GABBR2: variants seen among roughly 807,000 people sequenced by gnomAD.
GABBR2 encodes the protein gamma-aminobutyric acid type B receptor subunit 2.
In GABBR2, 23 loss-of-function variants were observed where a neutral mutation model predicts 105.6. The ratio of observed to expected loss-of-function variants is 0.22; its 90% CI spans 0.16 to 0.31. The LOEUF is 0.31. Among genes scored for constraint, GABBR2 ranks in the 10% least tolerant of loss-of-function variants. The pLI is 1.00. For synonymous variants in GABBR2, 478 were observed against 499.7 expected (o/e 0.96, Z 0.58); for missense variants, 734 against 1,245.5 (o/e 0.59, Z 6.18).
chr9:98,679,224 T>C (rs746370415), intron 1 of GABBR2, among the ~76,000 whole-genome samples: 1 of 152,156 alleles, frequency 6.6e-6, no homozygotes, highest in Non-Finnish European at 1.5e-5. Flanking sequence ...ATTAAAATAT[T>C]GGAAAGGACA....
chr9:98,466,535 T>C (rs1304899594), intron 6 of GABBR2, among the ~76,000 whole-genome samples: 1 of 152,222 alleles, frequency 6.6e-6, no homozygotes, highest in Admixed American at 6.5e-5. Context: ...TCACTACTCC[T>C]TCCTCCTACC....
At chr9:98,351,396 C>T (rs577785) in intron 13 of GABBR2, among the ~76,000 whole-genome samples, 121,530 of 152,024 alleles carry the variant, frequency 0.8, 48,745 homozygotes, top group African/African-American at 0.84. Context: ...CTTTCTTATT[C>T]GTGTCTCTTC....
chr9:98,649,235 G>A (rs1436911182), intron 1 of GABBR2, among the ~76,000 whole-genome samples: 1 of 152,190 alleles, frequency 6.6e-6, no homozygotes, highest in Non-Finnish European at 1.5e-5. Context: ...TGCAAAAGAT[G>A]TATTCTTTTT....
intron 1 of GABBR2, among the ~76,000 whole-genome samples, chr9:98,698,359 TA>T (rs1206591012): frequency 6.6e-6 from 1 of 152,100 alleles, no homozygotes; most frequent in African/African-American, 2.4e-5. Flanking sequence ...CAGACTACTC[TA>T]AAAAAATCAG....
intron 1 of GABBR2, among the ~76,000 whole-genome samples, chr9:98,640,514 C>A (rs922350097): frequency 1.6e-4 from 24 of 152,166 alleles, no homozygotes; most frequent in African/African-American, 5.6e-4. Context: ...AAACCACCCT[C>A]CGTGATGCTG....
At chr9:98,619,704 T>A (rs1829641786) in intron 1 of GABBR2, among the ~76,000 whole-genome samples, 1 of 152,198 alleles carries the variant, frequency 6.6e-6, no homozygotes, top group African/African-American at 2.4e-5. Context: ...ATACTTGGAG[T>A]TCCTTGTTTT....
intron 10 of GABBR2, among the ~76,000 whole-genome samples, chr9:98,385,989 C>A (rs771291719): frequency 6.6e-6 from 1 of 152,206 alleles, no homozygotes; most frequent in Non-Finnish European, 1.5e-5. Flanking sequence ...CACTCTGGAA[C>A]CTTCCCCTTA....
At chr9:98,331,096 C>T (rs559616834) in intron 13 of GABBR2, among the ~76,000 whole-genome samples, 2 of 152,274 alleles carry the variant, frequency 1.3e-5, no homozygotes, top group South Asian at 2.1e-4. Flanking sequence ...CTTTTTGCAG[C>T]TGAGTAATAT....
rs1278396441 is a variant in GABBR2 at position 98,436,390 on chromosome 9, TATATATATATATATATAG to T, written c.1236+17573_1236+17590del. Reference sequence around the variant, plus strand: ...ATATATATATATATATATATATATATATATATATATATATATAGTATGGCGTTCTTTCTTCTACTACCA... The same window carrying T: ...ATATATATATATATATATATATATATTATGGCGTTCTTTCTTCTACTACCA... On this transcript the variant is annotated intron_variant, in intron 7 of 18. Transcript: ENST00000259455. 2.5e-3 allele frequency among the ~76,000 whole-genome samples: 109 copies of T among 42,922 alleles called. 10 individuals carry two copies. The highest frequency in any genetic ancestry group is 6.8e-3 in the East Asian group (6 of 876). 28.2% of individuals were successfully genotyped at this position (42,922 alleles called of 152,430 possible).
At chr9:98,438,006 A>G (rs1189609852) in intron 7 of GABBR2, among the ~76,000 whole-genome samples, 1 of 149,800 alleles carries the variant, frequency 6.7e-6, no homozygotes, top group Non-Finnish European at 1.5e-5. Flanking sequence ...TTATCCAACC[A>G]TCCATCCACA....
chr9:98,476,672 C>T (rs777590814), intron 5 of GABBR2, among the ~76,000 whole-genome samples: 1 of 152,218 alleles, frequency 6.6e-6, no homozygotes, highest in Non-Finnish European at 1.5e-5. Flanking sequence ...GGGCTATGTT[C>T]TTGGGCTTAG....
intron 7 of GABBR2, among the ~76,000 whole-genome samples, chr9:98,437,754 C>G (rs1052703211): frequency 1.3e-5 from 2 of 150,984 alleles, no homozygotes; most frequent in Non-Finnish European, 3.0e-5. Flanking sequence ...ATCCATCCAC[C>G]TACATACTCA....
chr9:98,583,577 T>C (rs540324690), intron 1 of GABBR2, among the ~76,000 whole-genome samples: 4 of 152,344 alleles, frequency 2.6e-5, no homozygotes, highest in African/African-American at 9.6e-5. Context: ...ATAGTGTTTG[T>C]CTCTGGCCTC....
intron 1 of GABBR2, among the ~76,000 whole-genome samples, chr9:98,702,930 C>T (rs754135817): frequency 1.3e-5 from 2 of 152,198 alleles, no homozygotes; most frequent in Non-Finnish European, 2.9e-5. Flanking sequence ...ATCACCTCTC[C>T]CCAACTCTGT....
intron 3 of GABBR2, among the ~76,000 whole-genome samples, chr9:98,537,204 C>G (rs985035655): frequency 6.6e-6 from 1 of 152,340 alleles, no homozygotes; most frequent in Non-Finnish European, 1.5e-5. Context: ...GGGATTACCA[C>G]TCAGCAGTAG....
intron 13 of GABBR2, among the ~76,000 whole-genome samples, chr9:98,335,304 C>T (rs1274553632): frequency 6.6e-6 from 1 of 152,188 alleles, no homozygotes; most frequent in Non-Finnish European, 1.5e-5. Flanking sequence ...TTGTCATCAT[C>T]ATCATCTCTG....
chr9:98,423,091 T>C (rs1180626367), intron 7 of GABBR2, among the ~76,000 whole-genome samples: 1 of 152,192 alleles, frequency 6.6e-6, no homozygotes, highest in African/African-American at 2.4e-5. Context: ...TGTGTCTTTA[T>C]AGCAGCATGA....
At chr9:98,679,417 G>A (rs1456432188) in intron 1 of GABBR2, among the ~76,000 whole-genome samples, 1 of 152,176 alleles carries the variant, frequency 6.6e-6, no homozygotes, top group African/African-American at 2.4e-5. Flanking sequence ...CTGTGGAGAA[G>A]AGAAGCCACT....
chr9:98,365,226 C>T (rs1265055005), intron 12 of GABBR2, among the ~76,000 whole-genome samples: 2 of 152,150 alleles, frequency 1.3e-5, no homozygotes, highest in Non-Finnish European at 2.9e-5. Flanking sequence ...GTCAGTGATC[C>T]TTAAATTGTA....
Sources: allele counts gnomAD v4.1 joint callset (sites outside exome capture counted in the v4.1 genomes callset), GRCh38; gene constraint gnomAD v4.1.1; transcripts MANE v1.5; gene names NCBI Gene and HGNC (gene_info 2026-07-23, HGNC 2026-07-21).